Variants in PCNX2 observed in about 807,000 individuals in gnomAD.
The protein encoded by PCNX2 is pecanex-like protein 2.
A neutral mutation model predicts 223.8 loss-of-function variants in PCNX2; 168 were observed. That is an observed-to-expected ratio of 0.75 (90% confidence interval 0.66 to 0.85). PCNX2 has a LOEUF of 0.85. PCNX2 is among the 40% of genes least tolerant of loss of function. PCNX2 has a pLI of 0.00. For synonymous variants in PCNX2, 1,006 were observed against 1,052.6 expected, an observed-to-expected ratio of 0.96 and a Z score of 0.86; for missense variants, 2,507 against 2,675.5, an observed-to-expected ratio of 0.94 and a Z score of 1.39.
chr1:233,093,152 T>A (rs1367506818), intron 22 of PCNX2, among the ~76,000 whole-genome samples: 5 of 152,284 alleles, frequency 3.3e-5, no homozygotes, highest in East Asian at 3.9e-4. Context: ...CGCAGAAGGA[T>A]GCACCAAGTA....
chr1:232,995,171 G>A (rs1669836157), intron 32 of PCNX2, among the ~76,000 whole-genome samples: 1 of 152,110 alleles, frequency 6.6e-6, no homozygotes, highest in African/African-American at 2.4e-5. Context: ...AATACACCGG[G>A]GGGCAGAGAA....
chr1:233,158,149 A>G (rs1215220715), intron 19 of PCNX2, among the ~76,000 whole-genome samples: 24 of 151,910 alleles, frequency 1.6e-4, no homozygotes. Context: ...TCTTAGATGC[A>G]GGAGAGAAAA....
At chr1:233,292,421 C>T (rs1285962680) in intron 1 of PCNX2, among the ~76,000 whole-genome samples, 1 of 152,084 alleles carries the variant, frequency 6.6e-6, no homozygotes, top group Non-Finnish European at 1.5e-5. Flanking sequence ...GTTAGCCAAG[C>T]TGGTCTTGTG....
chr1:233,071,863 C>G (rs184883699), intron 23 of PCNX2, among the ~76,000 whole-genome samples: 3 of 152,238 alleles, frequency 2.0e-5, no homozygotes. Flanking sequence ...TGGTACTTCA[C>G]TGTGGTTTTG....
At chr1:233,257,881 C>T in intron 5 of PCNX2, 147 bp downstream of exon 5, 1 of 1,092,714 alleles carries the variant, frequency 9.2e-7, no homozygotes, top group Non-Finnish European at 1.3e-6. Context: ...TCGGTACATT[C>T]AGCAAATATT....
chr1:233,245,457 G>A (rs1032918990), intron 8 of PCNX2, among the ~76,000 whole-genome samples: 3 of 152,230 alleles, frequency 2.0e-5, no homozygotes, highest in South Asian at 4.1e-4. Flanking sequence ...AGCCTGCAGG[G>A]AATCACCTAG....
At chr1:233,321,013 CTTTTTT>C in the PCNX2 span, among the ~76,000 whole-genome samples, 2 of 70,364 alleles carry the variant, frequency 2.8e-5, no homozygotes, top group Admixed American at 2.1e-4. Flanking sequence ...AAAATGTCTT[CTTTTTT>C]TTTTTTTTTT....
At chr1:233,255,578 G>A (rs987842921) in intron 5 of PCNX2, among the ~76,000 whole-genome samples, 13 of 152,124 alleles carry the variant, frequency 8.5e-5, no homozygotes, top group African/African-American at 3.1e-4. Context: ...TGGTTTAAAG[G>A]CTTTTCAAAA....
intron 17 of PCNX2, among the ~76,000 whole-genome samples, chr1:233,175,964 G>A (rs1298807344): frequency 1.3e-5 from 2 of 152,164 alleles, no homozygotes; most frequent in African/African-American, 2.4e-5. Flanking sequence ...ATGGCAGACT[G>A]CAATTAAATT....
Position 233,252,477 on chromosome 1 carries a change from G to C in PCNX2, c.2005C>G (p.Gln669Glu). Reference protein sequence around the residue: ...TAFFQGNRQRQIIYRVTSQQD... With the variant: ...TAFFQGNRQREIIYRVTSQQD... ...TGGGAAGTTACCCTGTAGATTATCT[G>C]TCTTTGTCTATTGCCCTGAAAACTT... is the stretch of plus-strand genomic sequence containing the variant. Residue 669 changes from glutamine (Q) to glutamate (E), a missense_variant, in exon 7 of 34, where the codon CAG (glutamine) becomes GAG (glutamate). By Grantham distance (29) the Gln-to-Glu change is conservative. Around this residue, in one of 3 missense-constraint regions of PCNX2, gnomAD observed 1,031 missense variants for 1,021.7 expected, o/e 1.01. Transcript: ENST00000258229. 3.7e-6 allele frequency: 6 copies of C among 1,611,490 alleles called. No individual in the cohort carries two copies. Among genetic ancestry groups the C allele is most frequent in the Non-Finnish European group, 5.1e-6 (6 of 1,178,392 alleles).
chr1:233,043,793 A>C (rs1671730308), intron 25 of PCNX2, among the ~76,000 whole-genome samples: 1 of 144,866 alleles, frequency 6.9e-6, no homozygotes. Context: ...ACATTTTCTT[A>C]ATCCAGTCTA....
intron 17 of PCNX2, 71 bp from the exon 18 acceptor site, chr1:233,161,434 C>A: frequency 7.5e-7 from 1 of 1,325,928 alleles, no homozygotes; most frequent in East Asian, 2.4e-5. Flanking sequence ...CCAGGTAAAT[C>A]AAGCAGCAGG....
chr1:233,047,395 A>G, intron 25 of PCNX2: 1 of 985,292 alleles, frequency 1.0e-6, no homozygotes, highest in Non-Finnish European at 1.2e-6. Flanking sequence ...GACCCTTTAA[A>G]CTCAAAGATT....
chr1:233,017,301 A>G, intron 26 of PCNX2, 147 bp from the exon 27 acceptor site: 1 of 513,334 alleles, frequency 1.9e-6, no homozygotes, highest in Non-Finnish European at 3.3e-6. Context: ...CATTTGAGAC[A>G]TTCTAAAATG....
chr1:233,223,301 TG>T (rs879595090), intron 10 of PCNX2, among the ~76,000 whole-genome samples: 9 of 151,398 alleles, frequency 5.9e-5, no homozygotes, highest in Non-Finnish European at 1.3e-4. Flanking sequence ...AACGGAGTTT[TG>T]AGGTTGGGGG....
chr1:233,053,501 G>A (rs1050224433), intron 25 of PCNX2, among the ~76,000 whole-genome samples: 2 of 152,046 alleles, frequency 1.3e-5, no homozygotes, highest in Non-Finnish European at 2.9e-5. Context: ...TTTACTTTAG[G>A]TGTCTCTCAC....
At chr1:233,121,071 C>T (rs1284231186) in intron 21 of PCNX2, among the ~76,000 whole-genome samples, 2 of 151,382 alleles carry the variant, frequency 1.3e-5, no homozygotes, top group African/African-American at 4.8e-5. Flanking sequence ...AAAAAATACA[C>T]CCTCCACGAT....
chr1:233,127,036 C>T (rs1676143775), intron 21 of PCNX2, among the ~76,000 whole-genome samples: 1 of 152,164 alleles, frequency 6.6e-6, no homozygotes, highest in South Asian at 2.1e-4. Context: ...CACCTCGGTT[C>T]AAGTCCTCAT....
chr1:233,134,123 G>C (rs1271599175), intron 21 of PCNX2, among the ~76,000 whole-genome samples: 1 of 152,164 alleles, frequency 6.6e-6, no homozygotes, highest in Non-Finnish European at 1.5e-5. Flanking sequence ...AAAGGGGAAA[G>C]GTGTTGCTGA....
Sources: allele counts gnomAD v4.1 joint callset (sites outside exome capture counted in the v4.1 genomes callset), GRCh38; gene constraint gnomAD v4.1.1; regional missense constraint gnomAD v4.1.1; transcripts MANE v1.5; gene names NCBI Gene and HGNC (gene_info 2026-07-23, HGNC 2026-07-21).